Variants in PAK5 observed in about 807,000 individuals in gnomAD.
PAK5 encodes p21 (RAC1) activated kinase 5.
In PAK5, 16 loss-of-function variants were observed where a neutral mutation model predicts 65.9. The ratio of observed to expected loss-of-function variants is 0.24; its 90% CI spans 0.16 to 0.37. The LOEUF is 0.37. Among genes scored for constraint, PAK5 ranks in the 10% least tolerant of loss-of-function variants. The pLI is 1.00. For synonymous variants in PAK5, 371 were observed against 354.9 expected (o/e 1.05, Z -0.51); for missense variants, 785 against 903.9 (o/e 0.87, Z 1.69).
At chr20:9,799,939 CAAAAAAAAAAAAAA>C (rs71331383) in intron 1 of PAK5, among the ~76,000 whole-genome samples, 2,261 of 43,708 alleles carry the variant, frequency 0.052, 76 homozygotes, top group African/African-American at 0.16. Flanking sequence ...ACTCTGTCTC[CAAAAAAAAAAAAAA>C]AAAAAAAAAA....
intron 3 of PAK5, 68 bp from the exon 4 acceptor site, chr20:9,580,998 C>A: frequency 8.9e-7 from 1 of 1,121,078 alleles, no homozygotes; most frequent in Non-Finnish European, 1.3e-6. Context: ...GGTGGCATCC[C>A]ACCCCCACTC....
At chr20:9,831,202 G>T (rs1043975487) in intron 1 of PAK5, among the ~76,000 whole-genome samples, 1 of 152,208 alleles carries the variant, frequency 6.6e-6, no homozygotes, top group Non-Finnish European at 1.5e-5. Flanking sequence ...AAGCTGTTTT[G>T]GGGGGTGTGT....
chr20:9,545,801 C>G (rs796078788), intron 7 of PAK5, among the ~76,000 whole-genome samples: 2 of 152,312 alleles, frequency 1.3e-5, no homozygotes, highest in African/African-American at 4.8e-5. Context: ...GCATCCCTCT[C>G]TCTGCTCCAA....
chr20:9,667,271 C>A (rs952070727), intron 2 of PAK5, among the ~76,000 whole-genome samples: 1 of 151,976 alleles, frequency 6.6e-6, no homozygotes, highest in Non-Finnish European at 1.5e-5. Flanking sequence ...GAGCAGAACT[C>A]CATGTCAAAA....
At chr20:9,802,066 G>A (rs1390627870) in intron 1 of PAK5, among the ~76,000 whole-genome samples, 1 of 152,172 alleles carries the variant, frequency 6.6e-6, no homozygotes, top group African/African-American at 2.4e-5. Context: ...CAGTCAGTCT[G>A]GGGAAGTAAA....
intron 1 of PAK5, among the ~76,000 whole-genome samples, chr20:9,831,867 C>T (rs1313552994): frequency 6.6e-6 from 1 of 152,034 alleles, no homozygotes; most frequent in Non-Finnish European, 1.5e-5. Context: ...ATATTTCCAC[C>T]ACCCAGAGAT....
At chr20:9,797,635 T>G (rs746696966) in intron 1 of PAK5, among the ~76,000 whole-genome samples, 2 of 147,062 alleles carry the variant, frequency 1.4e-5, no homozygotes, top group Non-Finnish European at 3.0e-5. Context: ...CCCTAGAACT[T>G]AAAGTATAAT....
rs141768850 is a variant in PAK5 at position 9,550,556 on chromosome 20, G to C, written c.1744-6062C>G. Among the ~76,000 whole-genome samples the C allele has an allele frequency of 1.5e-4, 23 of 152,212 alleles. 1 individual carries two copies. In the South Asian group the frequency reaches 4.4e-3, roughly 29 times the overall value. ...AATCTGAAAGACTGGGTTTATAAAG[G>C]TATCATTTATACCTCATAATAATGT... On this transcript the variant is annotated intron_variant, in intron 7 of 9. Coordinates refer to ENST00000353224, the MANE Select transcript of PAK5 (RefSeq NM_177990.4).
intron 1 of PAK5, among the ~76,000 whole-genome samples, chr20:9,799,863 C>T (rs2049147590): frequency 6.8e-6 from 1 of 147,380 alleles, no homozygotes; most frequent in South Asian, 2.1e-4. Context: ...ATTGCTTGAG[C>T]CCAGGAAGTG....
At chr20:9,727,762 T>C (rs1051656580) in intron 1 of PAK5, among the ~76,000 whole-genome samples, 1 of 152,176 alleles carries the variant, frequency 6.6e-6, no homozygotes. Context: ...AATGATTTTA[T>C]ATTTGGTTGC....
At chr20:9,740,848 C>T (rs1269561627) in intron 1 of PAK5, among the ~76,000 whole-genome samples, 1 of 152,216 alleles carries the variant, frequency 6.6e-6, no homozygotes, top group African/African-American at 2.4e-5. Flanking sequence ...GTTTGTTATG[C>T]AGCATGACTG....
chr20:9,646,911 T>C (rs537412827), intron 2 of PAK5, among the ~76,000 whole-genome samples: 4 of 152,306 alleles, frequency 2.6e-5, no homozygotes, highest in African/African-American at 9.6e-5. Context: ...CCAGCAGCTA[T>C]CCACATGAGT....
intron 2 of PAK5, among the ~76,000 whole-genome samples, chr20:9,692,359 T>C (rs1386346568): frequency 6.6e-6 from 1 of 152,214 alleles, no homozygotes; most frequent in African/African-American, 2.4e-5. Context: ...GCAAATATGC[T>C]CTCAGAATGG....
chr20:9,571,874 T>C (rs1054558959), intron 4 of PAK5, among the ~76,000 whole-genome samples: 1 of 39,350 alleles, frequency 2.5e-5, no homozygotes, highest in Non-Finnish European at 5.2e-5. Context: ...GCATGAATGA[T>C]GGGGGGGGGG....
chr20:9,643,200 T>C (rs1050733050), intron 3 of PAK5, among the ~76,000 whole-genome samples: 2 of 152,202 alleles, frequency 1.3e-5, no homozygotes, highest in African/African-American at 4.8e-5. Context: ...AATCTGAACT[T>C]CAAGCTTTGT....
At chr20:9,682,082 G>A (rs995698566) in intron 2 of PAK5, among the ~76,000 whole-genome samples, 5 of 152,330 alleles carry the variant, frequency 3.3e-5, no homozygotes, top group Admixed American at 2.0e-4. Flanking sequence ...GGCGGGCTGG[G>A]CGCGGTGGCT....
intron 1 of PAK5, among the ~76,000 whole-genome samples, chr20:9,782,597 A>G (rs1277460052): frequency 1.3e-5 from 2 of 152,154 alleles, no homozygotes; most frequent in African/African-American, 4.8e-5. Flanking sequence ...TTAAAACCGG[A>G]TGACAGGAGA....
At chr20:9,683,699 A>G (rs2047679890) in intron 2 of PAK5, among the ~76,000 whole-genome samples, 1 of 151,882 alleles carries the variant, frequency 6.6e-6, no homozygotes, top group Non-Finnish European at 1.5e-5. Flanking sequence ...TTCCTTTTCC[A>G]TTCCTGTTTG....
intron 3 of PAK5, among the ~76,000 whole-genome samples, chr20:9,584,827 A>G (rs1422548990): frequency 1.3e-5 from 2 of 152,030 alleles, no homozygotes; most frequent in African/African-American, 4.8e-5. Context: ...CACATTTTCT[A>G]CTCCCTCTCT....
Sources: gnomAD v4.1 joint callset for allele counts (sites outside exome capture counted in the v4.1 genomes callset) on GRCh38, gnomAD v4.1.1 for gene constraint, MANE v1.5 for transcripts, NCBI Gene and HGNC (gene_info 2026-07-23, HGNC 2026-07-21) for gene names.